The following COL16A1 variants were observed in gnomAD, a reference collection of about 807,000 sequenced individuals.
The protein encoded by COL16A1 is collagen type XVI alpha 1 chain.
In COL16A1, 189 loss-of-function variants were observed where a neutral mutation model predicts 266.3. That is an observed-to-expected ratio of 0.71 (90% confidence interval 0.63 to 0.80). The LOEUF is 0.80. Among genes scored for constraint, COL16A1 ranks in the 30% least tolerant of loss-of-function variants. The pLI, the probability that COL16A1 is intolerant of heterozygous loss-of-function variation, is 0.00. For synonymous variants in COL16A1, 740 were observed against 782.3 expected (o/e 0.95, Z 0.90); for missense variants, 1,928 against 2,122.4 (o/e 0.91, Z 1.80).
Position 31,691,330 on chromosome 1 carries a change from C to T in COL16A1, c.1398+87G>A, listed in dbSNP as rs1346665040. The T allele has an allele frequency of 1.9e-6, 3 of 1,584,048 alleles. No individual in the cohort carries two copies. The Admixed American group carries it at 5.2e-5, about 28-fold the overall frequency. On this transcript the variant is annotated intron_variant, in intron 19 of 70. Transcript: ENST00000373672. ...TCCAGCCAGGATCCCTGGGACAGAG[C>T]CTTATCTTCCCCCCGTTCATTCCCT...
chr1:31,689,659 G>T, intron 23 of COL16A1, 82 bp downstream of exon 23: 1 of 1,127,708 alleles, frequency 8.9e-7, no homozygotes, highest in Non-Finnish European at 1.4e-6. Flanking sequence ...CAGCCCCTCT[G>T]CCCAATTCCT....
rs116541677 is a variant in COL16A1 at position 31,664,519 on chromosome 1, C to A, written c.3555+653G>T. Among the ~76,000 whole-genome samples, 6,210 of 152,260 alleles carry A rather than the reference C, an allele frequency of 0.041. 142 individuals are homozygous for A. The highest frequency in any genetic ancestry group is 0.088 in the Middle Eastern group (26 of 294). On this transcript the variant is annotated intron_variant, in intron 56 of 70. Coordinates refer to ENST00000373672, the MANE Select transcript of COL16A1 (RefSeq NM_001856.4). This position sits in a 1 kb window ranked among gnomAD's most constrained non-coding sequence, Gnocchi z 5.5. Reference sequence around the variant, plus strand: ...CGGGCTTCTTACACCACCCACTCAGCACATCTAGGGAGCCCAGAGGTTGGG... The same window carrying A: ...CGGGCTTCTTACACCACCCACTCAGAACATCTAGGGAGCCCAGAGGTTGGG...
At chr1:31,699,975 G>A (rs762412595) in intron 3 of COL16A1, 45 bp from the exon 4 acceptor site, 3 of 1,603,610 alleles carry the variant, frequency 1.9e-6, no homozygotes, top group East Asian at 2.2e-5. Context: ...AGCAGGTGGA[G>A]AGGGGTACAG....
Position 31,682,991 on chromosome 1 carries a change from C to T in COL16A1, c.2481G>A (p.Gly827=). ...TGEKGAQGSP[G]VKGATGPVGP... ...CCACAGGTCCGGTGGCTCCTTTCAC[C>T]CCTGGAGATCCCTGTGTAAGAGAAG... Residue 827 remains glycine, a synonymous_variant, in exon 37 of 71, where the codon GGG becomes GGA. Coordinates refer to ENST00000373672, the MANE Select transcript of COL16A1 (RefSeq NM_001856.4). 6.2e-7 allele frequency: 1 copy of T among 1,614,018 alleles called. No homozygotes were observed. Among genetic ancestry groups the T allele is most frequent in the Non-Finnish European group, 8.5e-7 (1 of 1,180,008 alleles).
Position 31,691,488 on chromosome 1 carries a change from C to T in COL16A1, c.1327G>A (p.Glu443Lys). ...QKGDPGFVGP[E>K]GLAGEPGPPG... ...GGCCCAGGCTCTCCTGCCAGCCCCT[C>T]AGGCCCAACAAAGCCAGGGTCTCCC... The change falls in exon 19 of 71, where the codon GAG (glutamate) becomes AAG (lysine). Residue 443 changes from glutamate (E) to lysine (K), a missense_variant. Physicochemically the swap from Glu to Lys is moderately conservative, Grantham distance 56. This residue lies in a region of COL16A1 where 1,552 missense variants were observed against 1,637.2 expected (regional missense o/e 0.95). Transcript: ENST00000373672. 6.2e-7 allele frequency: 1 copy of T among 1,613,672 alleles called. No homozygotes were observed. The highest frequency in any genetic ancestry group is 8.5e-7 in the Non-Finnish European group (1 of 1,179,738).
At chr1:31,673,860 C>T (rs949059988) in intron 44 of COL16A1, among the ~76,000 whole-genome samples, 5 of 152,334 alleles carry the variant, frequency 3.3e-5, no homozygotes, top group African/African-American at 1.2e-4. Flanking sequence ...TGCCATCTGA[C>T]CCCTTCTCCA....
At chr1:31,683,425 T>C in intron 34 of COL16A1, 56 bp from the exon 35 acceptor site, 1 of 1,612,016 alleles carries the variant, frequency 6.2e-7, no homozygotes, top group Non-Finnish European at 8.5e-7. Flanking sequence ...CCTGCCCCAC[T>C]GGCCCTGCCG....
chr1:31,669,000 A>AC lies in COL16A1; in HGVS notation c.3196-146dup. Reference sequence around the variant, plus strand: ...GCTCTCGTAGTGTCCCTAGAAGGTGACCCGTAATGGGTGTGCTCCAGCAGG... The same window carrying AC: ...GCTCTCGTAGTGTCCCTAGAAGGTGACCCCGTAATGGGTGTGCTCCAGCAGG... On this transcript the variant is annotated intron_variant, in intron 49 of 70. Coordinates refer to ENST00000373672, the MANE Select transcript of COL16A1 (RefSeq NM_001856.4). This position sits in a 1 kb window ranked among gnomAD's most constrained non-coding sequence, Gnocchi z 5.8. 1.5e-6 allele frequency: 1 copy of AC among 689,214 alleles called. No homozygotes were observed. Among genetic ancestry groups the AC allele is most frequent in the Non-Finnish European group, 2.4e-6 (1 of 415,082 alleles). 42.7% of individuals were successfully genotyped at this position (689,214 alleles called of 1,614,324 possible).
chr1:31,691,557 C>T (rs373231717), intron 18 of COL16A1, 41 bp downstream of exon 18: 13 of 1,613,870 alleles, frequency 8.1e-6, no homozygotes, highest in African/African-American at 2.7e-5. Flanking sequence ...CCACCCCAGC[C>T]CTGCCACCCC....
In COL16A1 at chr1:31,656,302, C is replaced by G; in HGVS notation, c.4101+98G>C. On this transcript the variant is annotated intron_variant, in intron 66 of 70. Transcript: ENST00000373672. This position sits in a 1 kb window ranked among gnomAD's most constrained non-coding sequence, Gnocchi z 4.2. Reference sequence around the variant, plus strand: ...GCATTTTTGCCCCCTGCCCACTGGCCTTCCTGTGTCTCCTCTCTGTGGCTA... The same window carrying G: ...GCATTTTTGCCCCCTGCCCACTGGCGTTCCTGTGTCTCCTCTCTGTGGCTA... 1 of 1,549,508 alleles carries G rather than the reference C, an allele frequency of 6.5e-7. No individual in the cohort carries two copies. Among genetic ancestry groups the G allele is most frequent in the Non-Finnish European group, 8.7e-7 (1 of 1,149,464 alleles).
At chr1:31,687,238 T>G (rs1644023346) in intron 26 of COL16A1, among the ~76,000 whole-genome samples, 1 of 151,930 alleles carries the variant, frequency 6.6e-6, no homozygotes, top group Non-Finnish European at 1.5e-5. Context: ...AAAAATTAGC[T>G]GAGTGTGGTG....
In COL16A1 at chr1:31,693,119, T is replaced by C; in HGVS notation, c.1044A>G (p.Pro348=). 6.2e-7 allele frequency: 1 copy of C among 1,612,166 alleles called. No individual in the cohort carries two copies. Among genetic ancestry groups the C allele is most frequent in the Non-Finnish European group, 8.5e-7 (1 of 1,178,410 alleles). The change falls in exon 13 of 71, where the codon CCA becomes CCG. Residue 348 remains proline, a synonymous_variant. Transcript: ENST00000373672. The stretch of plus-strand genomic sequence containing the variant: ...GTGCTCCCTTCTCTCCCTTGGAGCC[T>C]GGTGGACCAGGCAGGCCCCGCTCAC... ...GKGERGLPGP[P]GSKGEKGARG...
intron 11 of COL16A1, among the ~76,000 whole-genome samples, chr1:31,694,774 C>G (rs532460715): frequency 1.1e-4 from 16 of 152,304 alleles, no homozygotes; most frequent in African/African-American, 3.8e-4. Context: ...GACAGCAGGC[C>G]CTGAACCAAC....
Position 31,696,130 on chromosome 1 carries a change from C to G in COL16A1, c.876G>C (p.Gln292His). 6.2e-7 allele frequency: 1 copy of G among 1,613,596 alleles called. No individual in the cohort carries two copies. Among genetic ancestry groups the G allele is most frequent in the African/African-American group, 1.3e-5 (1 of 74,906 alleles). ...CCTTCTGGCTGATTCTTCCCGTCAGCTGGGCATCCACCTGGGCAGACAGAG... is the reference window on the plus strand; with the variant it reads ...CCTTCTGGCTGATTCTTCCCGTCAGGTGGGCATCCACCTGGGCAGACAGAG... Reference protein sequence around the residue: ...EEPQNSEVDAQLTGRISQKAE... With the variant: ...EEPQNSEVDAHLTGRISQKAE... Residue 292 changes from glutamine (Q) to histidine (H), a missense_variant, in exon 9 of 71, where the codon CAG (glutamine) becomes CAC (histidine). Physicochemically the swap from Gln to His is conservative, Grantham distance 24 (BLOSUM62 0). Coordinates refer to ENST00000373672, the MANE Select transcript of COL16A1 (RefSeq NM_001856.4).
chr1:31,667,692 C>A lies in COL16A1; in HGVS notation c.3304-64G>T, dbSNP rs1341951660. 2.1e-6 allele frequency: 3 copies of A among 1,462,416 alleles called. No homozygotes were observed. In the African/African-American group the frequency reaches 4.2e-5, roughly 20 times the overall value. The allele number at this position is 1,462,416 out of a possible 1,614,324, so 90.6% of individuals were successfully genotyped here. A position where few individuals can be genotyped will look rare whatever the true frequency, so the allele number is the denominator to read the frequency against. On this transcript the variant is annotated intron_variant, in intron 51 of 70. Coordinates refer to ENST00000373672, the MANE Select transcript of COL16A1 (RefSeq NM_001856.4). Reference sequence around the variant, plus strand: ...GAATTAGTCCGTCACGGCACTAATGCGAGGAGCGGAGACTGCAGCTGGCAC... The same window carrying A: ...GAATTAGTCCGTCACGGCACTAATGAGAGGAGCGGAGACTGCAGCTGGCAC...
In COL16A1 at chr1:31,672,477, C is replaced by T. The variant is rs775363648; in HGVS notation, c.3044G>A (p.Gly1015Asp). The change falls in exon 47 of 71, where the codon GGC becomes GAC. Residue 1015 changes from glycine (G) to aspartate (D), a missense_variant. Physicochemically the swap from Gly to Asp is moderately conservative, Grantham distance 94. Coordinates refer to ENST00000373672, the MANE Select transcript of COL16A1 (RefSeq NM_001856.4). ...AGGTAGGCCTGGGCTCCCAACACAGCCAGGATCTCCCTCACTGTTGTCACC... is the reference window on the plus strand; with the variant it reads ...AGGTAGGCCTGGGCTCCCAACACAGTCAGGATCTCCCTCACTGTTGTCACC... ...ARGDNSEGDP[G>D]CVGSPGLPGP... The T allele has an allele frequency of 3.1e-6, 5 of 1,614,176 alleles. No homozygotes were observed. In the South Asian group the frequency reaches 4.4e-5, roughly 14 times the overall value.
Position 31,682,913 on chromosome 1 carries a change from T to C in COL16A1, c.2538+21A>G, listed in dbSNP as rs1234106171. 6.2e-6 allele frequency: 10 copies of C among 1,613,736 alleles called. No individual in the cohort carries two copies. The East Asian group carries it at 1.3e-4, about 22-fold the overall frequency. On this transcript the variant is annotated intron_variant, in intron 37 of 70. Coordinates refer to ENST00000373672, the MANE Select transcript of COL16A1 (RefSeq NM_001856.4). ...CTTGGTTCCAGCAACACCACCAGCA[T>C]GGAGCACAGAGAAGACTTACCGGAG... is the stretch of plus-strand genomic sequence containing the variant.
chr1:31,656,822 TTA>T lies in COL16A1; in HGVS notation c.4056+209_4056+210del. ...GTTTCTTTTTGACCAGGTACAGGGT[TTA>T]AAAAAAAAAAAAAAAAGGTAAAACA... On this transcript the variant is annotated intron_variant, in intron 65 of 70. Transcript: ENST00000373672. The surrounding 1 kb of genome is among the most constrained non-coding windows in gnomAD (Gnocchi z 4.2). 1 of 587,592 alleles carries T rather than the reference TTA, an allele frequency of 1.7e-6. No individual in the cohort carries two copies. The highest frequency in any genetic ancestry group is 2.9e-6 in the Non-Finnish European group (1 of 346,654). 36.4% of individuals were successfully genotyped at this position (587,592 alleles called of 1,614,324 possible).
chr1:31,681,791 T>C (rs557607978), intron 37 of COL16A1, among the ~76,000 whole-genome samples: 2 of 152,332 alleles, frequency 1.3e-5, no homozygotes, highest in South Asian at 4.1e-4. Context: ...ACGTGGGACT[T>C]GAAGCCCCTG....
Sources: gnomAD v4.1 joint callset for allele counts (sites outside exome capture counted in the v4.1 genomes callset) on GRCh38, gnomAD v4.1.1 for gene constraint, gnomAD v4.1.1 regional missense constraint, Gnocchi (gnomAD v3.1) non-coding constraint, MANE v1.5 for transcripts, NCBI Gene and HGNC (gene_info 2026-07-23, HGNC 2026-07-21) for gene names.